The following ARHGEF37 variants were observed in gnomAD, a reference collection of about 807,000 sequenced individuals.
ARHGEF37 encodes Rho guanine nucleotide exchange factor (GEF) 37.
In ARHGEF37, 55 loss-of-function variants were observed where a neutral mutation model predicts 71.1. The ratio of observed to expected loss-of-function variants is 0.77; its 90% confidence interval spans 0.62 to 0.97. ARHGEF37 has a LOEUF of 0.97. Among genes scored for constraint, ARHGEF37 ranks in the 50% least tolerant of loss-of-function variants. The pLI is 0.00. For missense variants in ARHGEF37, 765 were observed against 836.8 expected, an observed-to-expected ratio of 0.91 and a Z score of 1.06; for synonymous variants, 327 against 350.6, an observed-to-expected ratio of 0.93 and a Z score of 0.75.
chr5:149,620,241 TGGG>T, intron 7 of ARHGEF37, 110 bp from the exon 8 acceptor site: 1 of 668,780 alleles, frequency 1.5e-6, no homozygotes, highest in Non-Finnish European at 2.6e-6. Flanking sequence ...TCCCTCTCAT[TGGG>T]GGTGTGTAGA....
At position 149,632,436 on chromosome 5, in the gene ARHGEF37, G is replaced by GGGGTCACAATGCACTTGGACAGC; in HGVS notation, c.*246_*268dup. The GGGGTCACAATGCACTTGGACAGC allele has an allele frequency of 1.9e-6, 1 of 525,336 alleles. No individual in the cohort carries two copies. Among genetic ancestry groups the GGGGTCACAATGCACTTGGACAGC allele is most frequent in the South Asian group, 2.3e-5 (1 of 43,702 alleles). 32.5% of individuals were successfully genotyped at this position (525,336 alleles called of 1,614,324 possible). ...CTGCATAAAGAACTCATTCCGACCT[G>GGGGTCACAATGCACTTGGACAGC]GGGTCACAATGCACTTGGACAGCAG... On this transcript the variant is annotated 3_prime_UTR_variant, in exon 13 of 13. Transcript: ENST00000333677.
At chr5:149,608,242 C>A (rs1021572464) in intron 3 of ARHGEF37, among the ~76,000 whole-genome samples, 2 of 151,118 alleles carry the variant, frequency 1.3e-5, no homozygotes, top group African/African-American at 4.9e-5. Flanking sequence ...GATATGATGG[C>A]TTAGCTTGTG....
At chr5:149,624,669 T>C (rs1351037681) in intron 10 of ARHGEF37, among the ~76,000 whole-genome samples, 9 of 152,016 alleles carry the variant, frequency 5.9e-5, no homozygotes, top group Admixed American at 5.9e-4. Flanking sequence ...CTTGGGAGGC[T>C]GAGGCAGAAG....
intron 3 of ARHGEF37, among the ~76,000 whole-genome samples, chr5:149,607,698 AG>A (rs1763952306): frequency 6.7e-6 from 1 of 149,128 alleles, no homozygotes; most frequent in Non-Finnish European, 1.5e-5. Context: ...TTTTGGGGGC[AG>A]GGGGTGGATC....
chr5:149,564,159 G>A (rs74883481), intron 1 of ARHGEF37, among the ~76,000 whole-genome samples: 2,625 of 151,912 alleles, frequency 0.017, 43 homozygotes, highest in East Asian at 0.09. Context: ...GTTTCGCTGT[G>A]TTGACCAGGC....
upstream of ARHGEF37, among the ~76,000 whole-genome samples, chr5:149,577,949 G>T (rs1190583018): frequency 6.6e-6 from 1 of 152,228 alleles, no homozygotes; most frequent in South Asian, 2.1e-4. Flanking sequence ...TTTCAGTGGT[G>T]GTGACATTCA....
At chr5:149,556,021 C>T (rs1022577714) in intron 1 of ARHGEF37, among the ~76,000 whole-genome samples, 1 of 151,964 alleles carries the variant, frequency 6.6e-6, no homozygotes, top group African/African-American at 2.4e-5. Flanking sequence ...ACTCAAGCAA[C>T]GGTCACTGGT....
intron 1 of ARHGEF37, among the ~76,000 whole-genome samples, chr5:149,570,875 CAA>C (rs1010514695): frequency 7.7e-6 from 1 of 130,066 alleles, no homozygotes; most frequent in African/African-American, 2.8e-5. Context: ...GACTCCATCT[CAA>C]AAAAAAAAAA....
chr5:149,591,896 G>A (rs940824076), intron 1 of ARHGEF37, among the ~76,000 whole-genome samples: 1 of 152,154 alleles, frequency 6.6e-6, no homozygotes, highest in Non-Finnish European at 1.5e-5. Context: ...TAGGTGTCAG[G>A]TATATTTCAT....
intron 7 of ARHGEF37, among the ~76,000 whole-genome samples, chr5:149,620,094 GA>G (rs1031824723): frequency 2.7e-5 from 4 of 150,782 alleles, no homozygotes; most frequent in Non-Finnish European, 5.9e-5. Flanking sequence ...AAAAGAAAAA[GA>G]AAAAAACCCC....
At chr5:149,607,324 C>G (rs899276887) in intron 3 of ARHGEF37, among the ~76,000 whole-genome samples, 2 of 152,262 alleles carry the variant, frequency 1.3e-5, no homozygotes, top group African/African-American at 4.8e-5. Flanking sequence ...TGTCCTGCCT[C>G]AGGGCCTCTG....
At chr5:149,616,421 A>G in intron 4 of ARHGEF37, 146 bp from the exon 5 acceptor site, 1 of 705,988 alleles carries the variant, frequency 1.4e-6, no homozygotes, top group Non-Finnish European at 2.3e-6. Flanking sequence ...CACAAGTTAC[A>G]GATGAGGAAC....
At chr5:149,608,826 T>A in intron 3 of ARHGEF37, among the ~76,000 whole-genome samples, 1 of 152,196 alleles carries the variant, frequency 6.6e-6, no homozygotes, top group East Asian at 1.9e-4. Context: ...TGTGTTATGC[T>A]GTAGCATGTC....
At chr5:149,556,180 A>G (rs1050910043) in intron 1 of ARHGEF37, among the ~76,000 whole-genome samples, 14 of 151,924 alleles carry the variant, frequency 9.2e-5, no homozygotes, top group Admixed American at 9.2e-4. Flanking sequence ...CAGTGTCCCA[A>G]GTGTTGTTTA....
intron 4 of ARHGEF37, 105 bp from the exon 5 acceptor site, chr5:149,616,462 T>G: frequency 1.8e-6 from 2 of 1,118,604 alleles, no homozygotes; most frequent in Non-Finnish European, 2.5e-6. Context: ...GTGACTTGCC[T>G]GAGATCACAC....
chr5:149,615,652 G>A (rs1752355881), intron 4 of ARHGEF37, among the ~76,000 whole-genome samples: 1 of 152,040 alleles, frequency 6.6e-6, no homozygotes, highest in Admixed American at 6.6e-5. Context: ...AGCACTTTGG[G>A]AGGCCGAGGC....
chr5:149,600,205 T>C (rs1433996529), intron 2 of ARHGEF37, among the ~76,000 whole-genome samples: 3 of 152,206 alleles, frequency 2.0e-5, no homozygotes, highest in Admixed American at 6.5e-5. Flanking sequence ...GATATTATAA[T>C]CCTATGAGAT....
chr5:149,584,525 A>G (rs1763182060), intron 1 of ARHGEF37, among the ~76,000 whole-genome samples: 1 of 151,940 alleles, frequency 6.6e-6, no homozygotes, highest in African/African-American at 2.4e-5. Context: ...CTGTGGCTCT[A>G]TTTTGTTTCA....
In ARHGEF37 at chr5:149,598,263, C is replaced by CTCTTCTTCTTCTTCT. The variant is rs70973531; in HGVS notation, c.186+358_186+372dup. On this transcript the variant is annotated intron_variant, in intron 2 of 12. Coordinates refer to ENST00000333677, the MANE Select transcript of ARHGEF37 (RefSeq NM_001001669.3). Reference sequence around the variant, plus strand: ...GTTTGGAACAGATTGCTTAAACTGACTCTTCTTCTTCTTCTTCTTCTTCTT... The same window carrying CTCTTCTTCTTCTTCT: ...GTTTGGAACAGATTGCTTAAACTGACTCTTCTTCTTCTTCTTCTTCTTCTTCTTCTTCTTCTTCTT... Among the ~76,000 whole-genome samples, 474 of 67,706 alleles carry CTCTTCTTCTTCTTCT rather than the reference C, an allele frequency of 7.0e-3. 15 individuals are homozygous for CTCTTCTTCTTCTTCT. Among genetic ancestry groups the CTCTTCTTCTTCTTCT allele is most frequent in the East Asian group, 0.027 (40 of 1,458 alleles). 44.4% of individuals were successfully genotyped at this position (67,706 alleles called of 152,430 possible).
Sources: allele counts gnomAD v4.1 joint callset (sites outside exome capture counted in the v4.1 genomes callset), GRCh38; gene constraint gnomAD v4.1.1; transcripts MANE v1.5; gene names NCBI Gene and HGNC (gene_info 2026-07-23, HGNC 2026-07-21).